Variants in MAP3K5 observed in about 807,000 individuals in gnomAD.
MAP3K5 encodes the protein mitogen-activated protein kinase kinase kinase 5.
A neutral mutation model predicts 158.7 loss-of-function variants in MAP3K5; 56 were observed. The ratio of observed to expected loss-of-function variants is 0.35; its 90% CI spans 0.28 to 0.44. The LOEUF is 0.44. Among genes scored for constraint, MAP3K5 ranks in the 20% least tolerant of loss-of-function variants. The probability of loss-of-function intolerance (pLI) is 1.00; values close to 1 mark genes in which losing one functional copy is unlikely to be tolerated. For missense variants in MAP3K5, 1,294 were observed against 1,674.8 expected (o/e 0.77, Z 3.97); for synonymous variants, 579 against 601.7 (o/e 0.96, Z 0.55).
chr6:136,634,290 A>C (rs997790295), intron 14 of MAP3K5, among the ~76,000 whole-genome samples: 1 of 152,224 alleles, frequency 6.6e-6, no homozygotes. Flanking sequence ...AAGGACATTC[A>C]GGGAGAGGGA....
At chr6:136,733,218 G>C (rs963959317) in intron 1 of MAP3K5, among the ~76,000 whole-genome samples, 9 of 152,100 alleles carry the variant, frequency 5.9e-5, no homozygotes, top group Non-Finnish European at 1.3e-4. Flanking sequence ...GGCTGGTCTT[G>C]AACTCCTGGT....
At chr6:136,695,918 A>T (rs1263361183) in intron 6 of MAP3K5, 33 bp downstream of exon 6, 1 of 1,281,756 alleles carries the variant, frequency 7.8e-7, no homozygotes, top group Non-Finnish European at 1.1e-6. Context: ...ATAATATGTT[A>T]ACGCATTCTG....
intron 1 of MAP3K5, among the ~76,000 whole-genome samples, chr6:136,740,679 A>T (rs937895683): frequency 2.0e-5 from 3 of 152,180 alleles, no homozygotes; most frequent in Non-Finnish European, 4.4e-5. Context: ...CCATAATCCC[A>T]CCATTAACCA....
At chr6:136,705,852 A>T (rs1049939102) in intron 2 of MAP3K5, among the ~76,000 whole-genome samples, 9 of 152,212 alleles carry the variant, frequency 5.9e-5, no homozygotes, top group African/African-American at 1.9e-4. Context: ...AGTGTGTTAC[A>T]TCCTGAGCAG....
intron 21 of MAP3K5, 47 bp downstream of exon 21, chr6:136,600,975 C>T (rs1161846057): frequency 6.2e-7 from 1 of 1,604,840 alleles, no homozygotes; most frequent in Admixed American, 1.7e-5. Flanking sequence ...GTTTATCACA[C>T]CAGACACCAG....
chr6:136,617,653 G>A (rs1176237758), intron 15 of MAP3K5, among the ~76,000 whole-genome samples: 9 of 152,236 alleles, frequency 5.9e-5, no homozygotes, highest in East Asian at 3.9e-4. Flanking sequence ...ACCAGTCCAC[G>A]GCCGGTGCAG....
intron 10 of MAP3K5, among the ~76,000 whole-genome samples, chr6:136,654,780 A>ATT (rs142795350): frequency 1.3e-5 from 2 of 151,644 alleles, no homozygotes; most frequent in African/African-American, 2.4e-5. Flanking sequence ...ACTTTATAGG[A>ATT]TTTTTTTGCA....
chr6:136,775,653 C>T (rs1479912523), intron 1 of MAP3K5, among the ~76,000 whole-genome samples: 1 of 152,224 alleles, frequency 6.6e-6, no homozygotes, highest in Non-Finnish European at 1.5e-5. Context: ...TTGCTTCATA[C>T]ATCCACTCCT....
chr6:136,704,435 T>C (rs977391465), intron 3 of MAP3K5, among the ~76,000 whole-genome samples: 10 of 152,204 alleles, frequency 6.6e-5, no homozygotes, highest in Non-Finnish European at 1.5e-4. Context: ...GGAAACATAC[T>C]ATAGACACAT....
At chr6:136,637,094 C>G in intron 14 of MAP3K5, 1 of 1,382,472 alleles carries the variant, frequency 7.2e-7, no homozygotes, top group South Asian at 1.7e-5. Flanking sequence ...CATAGTTACT[C>G]GCTATCAGGT....
At chr6:136,634,766 C>G (rs1436149495) in intron 14 of MAP3K5, among the ~76,000 whole-genome samples, 1 of 151,718 alleles carries the variant, frequency 6.6e-6, no homozygotes, top group African/African-American at 2.4e-5. Context: ...AGGGTTTCAC[C>G]ATGTTGGCCA....
chr6:136,672,124 T>G (rs530532979), intron 7 of MAP3K5, among the ~76,000 whole-genome samples: 4 of 152,332 alleles, frequency 2.6e-5, no homozygotes, highest in African/African-American at 9.6e-5. Flanking sequence ...GTTGGGAACC[T>G]ACATAGCCAT....
At chr6:136,614,313 T>C in intron 15 of MAP3K5, 27 bp from the exon 16 acceptor site, 1 of 1,605,858 alleles carries the variant, frequency 6.2e-7, no homozygotes, top group Non-Finnish European at 8.5e-7. Context: ...TGTCAATGAG[T>C]TAATTATGTA....
chr6:136,592,711 A>G, intron 21 of MAP3K5, 97 bp from the exon 22 acceptor site: 1 of 1,037,432 alleles, frequency 9.6e-7, no homozygotes, highest in Non-Finnish European at 1.5e-6. Context: ...TTTGTCAAAT[A>G]TCTTGTTGCA....
At chr6:136,722,040 A>AATCCC (rs1248821536) in intron 1 of MAP3K5, among the ~76,000 whole-genome samples, 1 of 152,206 alleles carries the variant, frequency 6.6e-6, no homozygotes, top group African/African-American at 2.4e-5. Flanking sequence ...GCTTTCTGAA[A>AATCCC]ATCCCAGCCA....
Position 136,635,821 on chromosome 6 carries a change from TA to T in MAP3K5, c.2016+1503del, listed in dbSNP as rs1394257806. 3.0e-4 allele frequency among the ~76,000 whole-genome samples: 45 copies of T among 150,186 alleles called. 1 individual carries two copies. Among genetic ancestry groups the T allele is most frequent in the African/African-American group, 9.0e-4 (37 of 40,982 alleles). On this transcript the variant is annotated intron_variant, in intron 14 of 29. Transcript: ENST00000359015. ...GCTTGAGCCCAGGAGGTCAAGAGGCTACAATGAGCTGTGATTGTGCCACTGC... is the reference window on the plus strand; with the variant it reads ...GCTTGAGCCCAGGAGGTCAAGAGGCTCAATGAGCTGTGATTGTGCCACTGC...
At position 136,681,449 on chromosome 6, in the gene MAP3K5, C is replaced by T. The variant is rs117815439; in HGVS notation, c.1254-12054G>A. Among the ~76,000 whole-genome samples, 325 of 152,214 alleles carry T rather than the reference C, an allele frequency of 2.1e-3. 7 individuals are homozygous for T. The East Asian group carries it at 0.029, about 14-fold the overall frequency. On this transcript the variant is annotated intron_variant, in intron 7 of 29. Transcript: ENST00000359015. ...AAGTGTTCAAGATCATCCTGGGCAA[C>T]ACAGTGAGACCCCATCTCTAGAAAA...
At chr6:136,590,550 T>C (rs555527637) in intron 23 of MAP3K5, among the ~76,000 whole-genome samples, 64 of 151,740 alleles carry the variant, frequency 4.2e-4, no homozygotes, top group African/African-American at 1.5e-3. Flanking sequence ...TTTTCTTTTT[T>C]TTTTTTTTGA....
At chr6:136,783,973 T>C (rs1418845977) in intron 1 of MAP3K5, among the ~76,000 whole-genome samples, 15 of 152,168 alleles carry the variant, frequency 9.9e-5, no homozygotes, top group Admixed American at 9.8e-4. Flanking sequence ...AGGAACTGAA[T>C]GGGCCTCTAA....
Sources: allele counts gnomAD v4.1 joint callset (sites outside exome capture counted in the v4.1 genomes callset), GRCh38; gene constraint gnomAD v4.1.1; transcripts MANE v1.5; gene names NCBI Gene and HGNC (gene_info 2026-07-23, HGNC 2026-07-21).